Variants in MCM4 observed in about 807,000 individuals in gnomAD.
MCM4 encodes the protein DNA replication licensing factor MCM4.
In MCM4, 60 loss-of-function variants were observed where a neutral mutation model predicts 88.7. The ratio of observed to expected loss-of-function variants is 0.68; its 90% CI spans 0.55 to 0.84. The LOEUF (loss-of-function observed/expected upper bound fraction) is 0.84. MCM4 is among the 40% of genes least tolerant of loss of function. MCM4 has a pLI of 0.00. For missense variants in MCM4, 1,149 were observed against 1,105.5 expected (o/e 1.04, Z -0.56); for synonymous variants, 465 against 410.5 (o/e 1.13, Z -1.61).
chr8:47,973,364 CAG>C (rs753914902), intron 14 of MCM4, among the ~76,000 whole-genome samples: 23 of 152,252 alleles, frequency 1.5e-4, no homozygotes, highest in African/African-American at 4.8e-4. Flanking sequence ...TTAGTAGAGA[CAG>C]AGTTTCACCG....
At chr8:47,964,806 T>A in intron 8 of MCM4, 94 bp downstream of exon 8, 2 of 1,070,720 alleles carry the variant, frequency 1.9e-6, no homozygotes, top group Non-Finnish European at 2.6e-6. Context: ...AAGAAGTAAT[T>A]GGCGGTGGTA....
chr8:47,972,326 C>A (rs1164282348), intron 13 of MCM4, among the ~76,000 whole-genome samples: 2 of 151,854 alleles, frequency 1.3e-5, no homozygotes, highest in East Asian at 3.9e-4. Context: ...CTGATTGGTC[C>A]CCAGCCGTTC....
chr8:47,966,371 C>T lies in MCM4; in HGVS notation c.1017C>T (p.Leu339=). The T allele has an allele frequency of 6.2e-7, 1 of 1,613,340 alleles. No individual in the cohort carries two copies. The highest frequency in any genetic ancestry group is 1.1e-5 in the South Asian group (1 of 91,038). Residue 339 remains leucine, a synonymous_variant, in exon 9 of 17, where the codon CTC becomes CTT. Transcript: ENST00000649973. ...GCCACACCACCCACAGCATGGCACT[C>T]ATCCACAACCGCTCCCTCTTCTCTG... The part of the protein sequence containing the change: ...GRCHTTHSMA[L]IHNRSLFSDK...
chr8:47,976,394 T>G (rs1385857629), intron 16 of MCM4, among the ~76,000 whole-genome samples: 1 of 152,086 alleles, frequency 6.6e-6, no homozygotes, highest in Non-Finnish European at 1.5e-5. Flanking sequence ...ATAAGTAAGG[T>G]AGTTGTTTAG....
chr8:47,971,324 A>C lies in MCM4; in HGVS notation c.1801-17A>C. On this transcript the variant is annotated splice_polypyrimidine_tract_variant and intron_variant, in intron 12 of 16. Transcript: ENST00000649973. ...GCGTCAGGGAGAGGCTTCTAACTGCACTCTTTGCTCTGATAGGCTGGGATC... is the reference window on the plus strand; with the variant it reads ...GCGTCAGGGAGAGGCTTCTAACTGCCCTCTTTGCTCTGATAGGCTGGGATC... 6.2e-7 allele frequency: 1 copy of C among 1,613,612 alleles called. No homozygotes were observed. Among genetic ancestry groups the C allele is most frequent in the South Asian group, 1.1e-5 (1 of 91,054 alleles).
At chr8:47,970,137 G>C (rs776738175) in intron 11 of MCM4, 80 bp downstream of exon 11, 619 of 1,483,322 alleles carry the variant, frequency 4.2e-4, no homozygotes, top group Non-Finnish European at 5.3e-4. Flanking sequence ...TCCGCCACTC[G>C]AGCCATCCGC....
chr8:47,969,926 G>A lies in MCM4; in HGVS notation c.1303G>A (p.Glu435Lys), dbSNP rs892728645. The change falls in exon 11 of 17, where the codon GAA becomes AAA. Residue 435 changes from glutamate (E) to lysine (K), a missense_variant. By Grantham distance (56) the Glu-to-Lys change is moderately conservative. Coordinates refer to ENST00000649973, the MANE Select transcript of MCM4 (RefSeq NM_182746.3). ...AAAACGTCTGCATGGCCTTGATGAAGAAGCAGAACAGAAACTTTTTTCAGA... is the reference window on the plus strand; with the variant it reads ...AAAACGTCTGCATGGCCTTGATGAAAAAGCAGAACAGAAACTTTTTTCAGA... ...DAKRLHGLDE[E>K]AEQKLFSEKR... The A allele has an allele frequency of 4.3e-6, 7 of 1,614,130 alleles. No homozygotes were observed. Among genetic ancestry groups the A allele is most frequent in the Non-Finnish European group, 5.9e-6 (7 of 1,180,058 alleles).
chr8:47,973,008 G>A lies in MCM4; in HGVS notation c.2080G>A (p.Ala694Thr), dbSNP rs777231755. Residue 694 changes from alanine to threonine, a missense_variant, in exon 14 of 17, where the codon GCG becomes ACG. Around this residue, in one of 3 missense-constraint regions of MCM4, gnomAD observed 238 missense variants for 241.6 expected, o/e 0.99. Transcript: ENST00000649973. ...MAVLKDYIAYAHSTIMPRLSE... is the reference protein window; with the variant it reads ...MAVLKDYIAYTHSTIMPRLSE... ...GGTGCTAAAGGACTACATTGCCTAC[G>A]CGCACAGCACCATCATGCCGCGGCT... The A allele has an allele frequency of 1.5e-5, 25 of 1,613,940 alleles. No individual in the cohort carries two copies. Among genetic ancestry groups the A allele is most frequent in the Middle Eastern group, 1.6e-4 (1 of 6,068 alleles).
intron 10 of MCM4, 108 bp downstream of exon 10, chr8:47,967,593 G>C: frequency 7.2e-7 from 1 of 1,395,464 alleles, no homozygotes; most frequent in East Asian, 2.3e-5. Context: ...ACCTCCAGTT[G>C]TCACTGCTTG....
chr8:47,974,615 C>T lies in MCM4; in HGVS notation c.2137-119C>T, dbSNP rs981236169. On this transcript the variant is annotated intron_variant, in intron 14 of 16. Coordinates refer to ENST00000649973, the MANE Select transcript of MCM4 (RefSeq NM_182746.3). ...CTACCACTTGATGAGCTCCGGGGCC[C>T]AGGACCATATCTGAGTTCCGTTTAC... 1.0e-4 allele frequency: 78 copies of T among 777,300 alleles called. No homozygotes were observed. The African/African-American group carries it at 1.2e-3, about 12-fold the overall frequency. 48.2% of individuals were successfully genotyped at this position (777,300 alleles called of 1,614,324 possible). A position where few individuals can be genotyped will look rare whatever the true frequency, so the allele number is the denominator to read the frequency against.
At chr8:47,975,871 T>C (rs2090996417) in intron 16 of MCM4, 23 bp downstream of exon 16, 3 of 1,452,272 alleles carry the variant, frequency 2.1e-6, no homozygotes, top group African/African-American at 1.5e-5. Context: ...ATGTATTTTT[T>C]GTTTGATAGA....
chr8:47,969,493 G>A (rs2090931278), intron 10 of MCM4: 1 of 338,222 alleles, frequency 3.0e-6, no homozygotes, highest in Non-Finnish European at 5.5e-6. Context: ...CCCAACCTCA[G>A]GTGATCCGCC....
chr8:47,969,766 G>A, intron 10 of MCM4, 32 bp from the exon 11 acceptor site: 1 of 1,611,346 alleles, frequency 6.2e-7, no homozygotes, highest in Admixed American at 1.7e-5. Flanking sequence ...GATATGGGAA[G>A]GTAAAAGTGC....
chr8:47,975,157 A>C, intron 15 of MCM4, 195 bp downstream of exon 15: 3 of 509,226 alleles, frequency 5.9e-6, no homozygotes, highest in Non-Finnish European at 1.0e-5. Flanking sequence ...ATTAACACAC[A>C]CAGTTTTGTG....
intron 10 of MCM4, chr8:47,969,589 T>C: frequency 1.7e-6 from 1 of 581,740 alleles, no homozygotes; most frequent in Non-Finnish European, 3.1e-6. Context: ...GCTATTTCCC[T>C]GCTTGCTCAT....
At position 47,970,362 on chromosome 8, in the gene MCM4, T is replaced by A. The variant is rs955112042; in HGVS notation, c.1435-149T>A. Reference sequence around the variant, plus strand: ...AACTGGTCAGTGATAACTTAAAGCATATCAAGCACTTTCACGAGCCTTTTT... The same window carrying A: ...AACTGGTCAGTGATAACTTAAAGCAAATCAAGCACTTTCACGAGCCTTTTT... On this transcript the variant is annotated intron_variant, in intron 11 of 16. Coordinates refer to ENST00000649973, the MANE Select transcript of MCM4 (RefSeq NM_182746.3). The A allele has an allele frequency of 1.6e-5, 16 of 973,042 alleles. No homozygotes were observed. The African/African-American group carries it at 2.5e-4, about 15-fold the overall frequency. 60.3% of individuals were successfully genotyped at this position (973,042 alleles called of 1,614,324 possible).
In MCM4 at chr8:47,967,371, C is replaced by T; in HGVS notation, c.1060C>T (p.Leu354Phe). ...SLFSDKQMIK[L>F]QESPEDMPAG... ...TCTGTTTGCTGACCTTCAGATCAAG[C>T]TTCAGGAGTCTCCGGAAGACATGCC... The change falls in exon 10 of 17, where the codon CTT (leucine) becomes TTT (phenylalanine). Residue 354 changes from leucine (L) to phenylalanine (F), a missense_variant. Coordinates refer to ENST00000649973, the MANE Select transcript of MCM4 (RefSeq NM_182746.3). 6.2e-7 allele frequency: 1 copy of T among 1,614,192 alleles called. No individual in the cohort carries two copies. Among genetic ancestry groups the T allele is most frequent in the African/African-American group, 1.3e-5 (1 of 75,064 alleles).
At chr8:47,963,943 G>A (rs766287487) in intron 7 of MCM4, among the ~76,000 whole-genome samples, 47 of 152,152 alleles carry the variant, frequency 3.1e-4, no homozygotes, top group Non-Finnish European at 5.3e-4. Flanking sequence ...CTTTGGTATC[G>A]CCAGGCACGG....
intron 10 of MCM4, chr8:47,969,582 A>G (rs957001264): frequency 6.1e-5 from 35 of 573,496 alleles, no homozygotes; most frequent in South Asian, 3.3e-4. Flanking sequence ...TCCTGCTGCT[A>G]TTTCCCTGCT....
Sources: allele counts gnomAD v4.1 joint callset (sites outside exome capture counted in the v4.1 genomes callset), GRCh38; gene constraint gnomAD v4.1.1; regional missense constraint gnomAD v4.1.1; transcripts MANE v1.5; gene names NCBI Gene and HGNC (gene_info 2026-07-23, HGNC 2026-07-21).